Variants in STK32A observed in about 807,000 individuals in gnomAD.
STK32A encodes the protein serine/threonine kinase 32A.
In STK32A, 41 loss-of-function variants were observed where a neutral mutation model predicts 53.2. The ratio of observed to expected loss-of-function variants is 0.77; its 90% CI spans 0.60 to 1.00. The LOEUF is 1.00. Ranked by LOEUF, STK32A falls within the 50% of genes least tolerant of loss-of-function variation. The pLI, the probability that STK32A is intolerant of heterozygous loss-of-function variation, is 0.00. For synonymous variants in STK32A, 166 were observed against 162.8 expected, an observed-to-expected ratio of 1.02 and a Z score of -0.15; for missense variants, 458 against 485.8, an observed-to-expected ratio of 0.94 and a Z score of 0.54.
chr5:147,395,294 C>T, the STK32A span, among the ~76,000 whole-genome samples: 31,238 of 152,168 alleles, frequency 0.21, 3,487 homozygotes, highest in East Asian at 0.36. Flanking sequence ...GACCCTGCCC[C>T]CAACCAGGGC....
chr5:147,294,746 C>T (rs960024595), intron 4 of STK32A, among the ~76,000 whole-genome samples: 8 of 149,504 alleles, frequency 5.4e-5, no homozygotes, highest in Non-Finnish European at 1.0e-4. Flanking sequence ...TGCAATGGTG[C>T]GATCTTGGCT....
chr5:147,260,253 TCCTCTCTCTCC>T (rs1754487043), intron 2 of STK32A, among the ~76,000 whole-genome samples: 1 of 128,306 alleles, frequency 7.8e-6, no homozygotes, highest in Non-Finnish European at 1.6e-5. Flanking sequence ...TCTCTCTCTC[TCCTCTCTCTCC>T]CTCTCCCCTC....
At chr5:147,356,740 A>G (rs1487653632) in intron 7 of STK32A, among the ~76,000 whole-genome samples, 1 of 152,142 alleles carries the variant, frequency 6.6e-6, no homozygotes, top group Non-Finnish European at 1.5e-5. Context: ...TGCTCATTGA[A>G]GTATTTTGGA....
intron 8 of STK32A, among the ~76,000 whole-genome samples, chr5:147,365,873 G>A (rs1015472928): frequency 1.3e-5 from 2 of 152,154 alleles, no homozygotes; most frequent in African/African-American, 4.8e-5. Context: ...TGCCTGGAAA[G>A]AATTTTGCTA....
At chr5:147,371,039 T>C (rs1196087720) in intron 9 of STK32A, among the ~76,000 whole-genome samples, 1 of 152,188 alleles carries the variant, frequency 6.6e-6, no homozygotes, top group Non-Finnish European at 1.5e-5. Context: ...AGTGACTGGC[T>C]TCTCTATCCA....
At chr5:147,278,232 AC>A in intron 3 of STK32A, 53 bp downstream of exon 3, 1 of 1,443,000 alleles carries the variant, frequency 6.9e-7, no homozygotes, top group Middle Eastern at 1.7e-4. Flanking sequence ...AGCCCAGGGA[AC>A]AGAGGGTCCA....
chr5:147,280,872 A>C (rs1752032902), intron 4 of STK32A, among the ~76,000 whole-genome samples: 1 of 152,192 alleles, frequency 6.6e-6, no homozygotes, highest in African/African-American at 2.4e-5. Context: ...AAGAACCCTT[A>C]CAGAGTCCAT....
chr5:147,325,618 C>T (rs550517945), intron 5 of STK32A, among the ~76,000 whole-genome samples: 1 of 152,184 alleles, frequency 6.6e-6, no homozygotes, highest in East Asian at 1.9e-4. Context: ...TTTGGAAGGG[C>T]CTGCTTGTAT....
rs1310685411 is a variant in STK32A, at chr5:147,270,079, G to A, written c.53-8045G>A. On this transcript the variant is annotated intron_variant, in intron 2 of 12. Coordinates refer to ENST00000397936, the MANE Select transcript of STK32A (RefSeq NM_001112724.2). ...ATGACAGCAAAAATGTGTGTCAAAA[G>A]CAATTGGTTTTAAATAGAAATACAT... Among the ~76,000 whole-genome samples the A allele has an allele frequency of 4.6e-5, 7 of 152,218 alleles. 1 individual carries two copies. In the Middle Eastern group the frequency reaches 0.014, roughly 296 times the overall value.
At chr5:147,272,735 A>G (rs2151952124) in intron 2 of STK32A, among the ~76,000 whole-genome samples, 1 of 152,352 alleles carries the variant, frequency 6.6e-6, no homozygotes, top group East Asian at 1.9e-4. Flanking sequence ...TGTAATTTTT[A>G]GTTTTCAGTG....
At chr5:147,396,769 A>C in the STK32A span, among the ~76,000 whole-genome samples, 260 of 152,076 alleles carry the variant, frequency 1.7e-3, 1 homozygote, top group African/African-American at 6.0e-3. Flanking sequence ...TATTAGGCCC[A>C]AACTGGAGTG....
At chr5:147,264,801 G>C (rs1217648375) in intron 2 of STK32A, among the ~76,000 whole-genome samples, 1 of 152,122 alleles carries the variant, frequency 6.6e-6, no homozygotes, top group African/African-American at 2.4e-5. Context: ...CATATCTAAA[G>C]AGAGGTAAAA....
intron 11 of STK32A, among the ~76,000 whole-genome samples, chr5:147,379,574 T>C (rs1757374404): frequency 6.6e-6 from 1 of 152,066 alleles, no homozygotes; most frequent in African/African-American, 2.4e-5. Context: ...TTGGCTCTTT[T>C]TATGCTCATG....
At chr5:147,393,751 T>C in the STK32A span, 1 of 418,382 alleles carries the variant, frequency 2.4e-6, no homozygotes, top group East Asian at 4.7e-5. Context: ...CTCTCAACAC[T>C]ATGATAGAGC....
At chr5:147,396,179 C>T in the STK32A span, among the ~76,000 whole-genome samples, 10 of 152,114 alleles carry the variant, frequency 6.6e-5, no homozygotes, top group African/African-American at 2.2e-4. Context: ...AGGATGGGAT[C>T]ACATGGGAGC....
chr5:147,383,850 T>C, intron 12 of STK32A, 40 bp from the exon 13 acceptor site: 6 of 1,380,568 alleles, frequency 4.3e-6, no homozygotes, highest in Non-Finnish European at 5.9e-6. Flanking sequence ...ATTTTATTTT[T>C]CAAAGAATAA....
At chr5:147,249,786 A>AC (rs1423435192) in intron 2 of STK32A, among the ~76,000 whole-genome samples, 1 of 151,456 alleles carries the variant, frequency 6.6e-6, no homozygotes, top group Non-Finnish European at 1.5e-5. Flanking sequence ...GGTGGTGGGC[A>AC]CCTGTAATCC....
intron 4 of STK32A, among the ~76,000 whole-genome samples, chr5:147,323,246 T>C (rs1161421637): frequency 6.6e-6 from 1 of 152,084 alleles, no homozygotes; most frequent in Admixed American, 6.5e-5. Context: ...CATCAGGAGA[T>C]GTTAGCGTTA....
At chr5:147,307,784 C>T (rs1753491728) in intron 4 of STK32A, among the ~76,000 whole-genome samples, 1 of 152,062 alleles carries the variant, frequency 6.6e-6, no homozygotes, top group African/African-American at 2.4e-5. Context: ...TGACCCTTAG[C>T]CATTTGTTGA....
Sources: allele counts gnomAD v4.1 joint callset (sites outside exome capture counted in the v4.1 genomes callset), GRCh38; gene constraint gnomAD v4.1.1; transcripts MANE v1.5; gene names NCBI Gene and HGNC (gene_info 2026-07-23, HGNC 2026-07-21).